The following NEMF variants were observed in gnomAD, a reference collection of about 807,000 sequenced individuals.
NEMF encodes the protein ribosome quality control complex subunit NEMF.
A neutral mutation model predicts 162.2 loss-of-function variants in NEMF; 89 were observed. That is an observed-to-expected ratio of 0.55 (90% CI 0.46 to 0.65). NEMF has a LOEUF of 0.65. NEMF is among the 30% of genes least tolerant of loss of function. The pLI is 0.00. For synonymous variants in NEMF, 421 were observed against 404.5 expected (o/e 1.04, Z -0.49); for missense variants, 1,133 against 1,261.9 (o/e 0.90, Z 1.55).
At chr14:49,831,416 C>T (rs1892630417) in intron 10 of NEMF, 55 bp from the exon 11 acceptor site, 2 of 984,604 alleles carry the variant, frequency 2.0e-6, no homozygotes, top group Admixed American at 4.1e-5. Flanking sequence ...TCTACTTCAA[C>T]TTGCATACAC....
intron 4 of NEMF, among the ~76,000 whole-genome samples, chr14:49,841,232 A>G (rs1318175640): frequency 6.0e-5 from 9 of 150,760 alleles, no homozygotes; most frequent in Non-Finnish European, 1.3e-4. Flanking sequence ...ATAAAAAAAC[A>G]AAACAAAACA....
At position 49,829,417 on chromosome 14, in the gene NEMF, C is replaced by T. The variant is rs774742234; in HGVS notation, c.955G>A (p.Ala319Thr). 1.2e-5 allele frequency: 20 copies of T among 1,613,430 alleles called. No individual in the cohort carries two copies. The highest frequency in any genetic ancestry group is 1.7e-5 in the Non-Finnish European group (20 of 1,179,714). The change falls in exon 12 of 33, where the codon GCA (alanine) becomes ACA (threonine). Residue 319 changes from alanine (A) to threonine (T), a missense_variant. Ala to Thr is a moderately conservative substitution (Grantham distance 58, BLOSUM62 0). Transcript: ENST00000298310. ...DLKALQQEKQ[A>T]LKKLDNVRKD... Reference sequence around the variant, plus strand: ...CGAACATTATCTAATTTCTTCAATGCTTGCTTTTCCTTTTATTGGCAAAAC... The same window carrying T: ...CGAACATTATCTAATTTCTTCAATGTTTGCTTTTCCTTTTATTGGCAAAAC...
intron 3 of NEMF, among the ~76,000 whole-genome samples, chr14:49,847,084 C>A (rs1265564443): frequency 6.6e-6 from 1 of 151,734 alleles, no homozygotes; most frequent in African/African-American, 2.4e-5. Context: ...CGGGGTTTCA[C>A]CATGTTGGTC....
intron 8 of NEMF, among the ~76,000 whole-genome samples, chr14:49,832,591 CA>C (rs1892700187): frequency 6.6e-6 from 1 of 152,176 alleles, no homozygotes; most frequent in Middle Eastern, 3.4e-3. Flanking sequence ...CCTTGGCCTC[CA>C]AAAGTGCTGA....
chr14:49,828,929 CTA>C lies in NEMF; in HGVS notation c.1232+123_1233-123del. The C allele has an allele frequency of 3.1e-6, 4 of 1,277,490 alleles. No homozygotes were observed. The South Asian group carries it at 6.2e-5, about 20-fold the overall frequency. The allele number at this position is 1,277,490 out of a possible 1,614,324, so 79.1% of individuals were successfully genotyped here. On this transcript the variant is annotated intron_variant, in intron 13 of 32. Transcript: ENST00000298310. The stretch of plus-strand genomic sequence containing the variant: ...TGGAAGTTTCATTATTTATTTTAAT[CTA>C]AATTAGTTTTTTCCCTTTCTTTGAG...
chr14:49,833,465 T>C lies in NEMF; in HGVS notation c.693A>G (p.Lys231=). The C allele has an allele frequency of 1.3e-5, 20 of 1,587,630 alleles. No homozygotes were observed. The highest frequency in any genetic ancestry group is 1.7e-5 in the Non-Finnish European group (20 of 1,161,800). ...ATGTTGTTTTCATATAGTCTTCTGC[T>C]TTCTGCAGAGAAACAAGTACTTTTT... ...DIEKVLVSLQ[K]AEDYMKTTSN... The change falls in exon 8 of 33, where the codon AAA becomes AAG. Residue 231 remains lysine, a synonymous_variant. Transcript: ENST00000298310.
chr14:49,844,266 A>C (rs1242461773), intron 4 of NEMF, among the ~76,000 whole-genome samples: 1 of 152,144 alleles, frequency 6.6e-6, no homozygotes, highest in East Asian at 1.9e-4. Context: ...TTCTCGCAAG[A>C]AGCATGCAAC....
Position 49,782,459 on chromosome 14 carries a change from T to TA in NEMF, c.*2176dup. ...AACTTGCTTGTCCATCACAGAGCTG[T>TA]AAGTATACTACCTTCACATTATTAC... is the stretch of plus-strand genomic sequence containing the variant. On this transcript the variant is annotated 3_prime_UTR_variant, in exon 33 of 33. Coordinates refer to ENST00000298310, the MANE Select transcript of NEMF (RefSeq NM_004713.6). 6.2e-7 allele frequency: 1 copy of TA among 1,608,408 alleles called. No homozygotes were observed. Among genetic ancestry groups the TA allele is most frequent in the Non-Finnish European group, 8.5e-7 (1 of 1,175,292 alleles).
rs1449320491 is a variant in NEMF at position 49,852,018 on chromosome 14, T to C, written c.60-143A>G. 1.6e-5 allele frequency: 9 copies of C among 575,974 alleles called. No homozygotes were observed. In the East Asian group the frequency reaches 2.3e-4, roughly 15 times the overall value. 35.7% of individuals were successfully genotyped at this position (575,974 alleles called of 1,614,324 possible). The stretch of plus-strand genomic sequence containing the variant: ...CCGAGGAGCAGAGTCTGAAAGCCAT[T>C]TGGAGATTCAGTTCAAAACTTAAGA... On this transcript the variant is annotated intron_variant, in intron 1 of 32. Coordinates refer to ENST00000298310, the MANE Select transcript of NEMF (RefSeq NM_004713.6).
At chr14:49,796,521 T>A (rs1000449559) in intron 25 of NEMF, among the ~76,000 whole-genome samples, 3 of 152,124 alleles carry the variant, frequency 2.0e-5, no homozygotes, top group Admixed American at 1.3e-4. Context: ...CCAGTTAACT[T>A]TGTATTTTTA....
intron 3 of NEMF, 21 bp from the exon 4 acceptor site, chr14:49,846,286 G>C (rs1346156410): frequency 6.2e-7 from 1 of 1,604,824 alleles, no homozygotes; most frequent in East Asian, 2.2e-5. Flanking sequence ...AAAGAAAAAG[G>C]CATTCATTTA....
intron 19 of NEMF, 68 bp from the exon 20 acceptor site, chr14:49,803,362 G>A: frequency 1.8e-6 from 2 of 1,140,736 alleles, no homozygotes; most frequent in Non-Finnish European, 2.5e-6. Flanking sequence ...TTCCACTTGA[G>A]GAGAAAGTAA....
chr14:49,840,083 CCAG>C (rs1345038681), intron 5 of NEMF, among the ~76,000 whole-genome samples: 1 of 151,966 alleles, frequency 6.6e-6, no homozygotes, highest in Non-Finnish European at 1.5e-5. Flanking sequence ...TTGCTTGAGC[CCAG>C]GAGTTCAAGA....
In NEMF at chr14:49,846,279, G is replaced by A. The variant is rs1241490077; in HGVS notation, c.232-14C>T. The A allele has an allele frequency of 1.9e-6, 3 of 1,604,416 alleles. No homozygotes were observed. Among genetic ancestry groups the A allele is most frequent in the East Asian group, 2.2e-5 (1 of 44,816 alleles). On this transcript the variant is annotated splice_polypyrimidine_tract_variant and intron_variant, in intron 3 of 32. Coordinates refer to ENST00000298310, the MANE Select transcript of NEMF (RefSeq NM_004713.6). Reference sequence around the variant, plus strand: ...ATGTTTTCGGCACTAGCAAGAGAAAGAAAAAGGCATTCATTTAGTAAAAGT... The same window carrying A: ...ATGTTTTCGGCACTAGCAAGAGAAAAAAAAAGGCATTCATTTAGTAAAAGT...
intron 20 of NEMF, 73 bp downstream of exon 20, chr14:49,803,164 T>C: frequency 9.1e-7 from 1 of 1,102,692 alleles, no homozygotes; most frequent in Non-Finnish European, 1.4e-6. Flanking sequence ...CTAAGAGTAT[T>C]TGTAAACTGT....
rs1274531994 is a variant in NEMF, at chr14:49,832,246, G to A, written c.767C>T (p.Pro256Leu). The stretch of plus-strand genomic sequence containing the variant: ...AACTGGTTTATCTGCTTCCAAGCTT[G>A]GTTTTATTTCTCTTTTCTGAATGAT... The part of the protein sequence containing the change: ...GYIIQKREIK[P>L]SLEADKPVED... Residue 256 changes from proline (P) to leucine (L), a missense_variant, in exon 9 of 33, where the codon CCA becomes CTA. Physicochemically the swap from Pro to Leu is moderately conservative, Grantham distance 98. Transcript: ENST00000298310. The A allele has an allele frequency of 6.2e-7, 1 of 1,605,754 alleles. No individual in the cohort carries two copies. Among genetic ancestry groups the A allele is most frequent in the African/African-American group, 1.3e-5 (1 of 74,616 alleles).
At chr14:49,830,010 TA>T (rs1892559691) in intron 11 of NEMF, among the ~76,000 whole-genome samples, 1 of 152,362 alleles carries the variant, frequency 6.6e-6, no homozygotes, top group East Asian at 1.9e-4. Flanking sequence ...CTTTTTCCCC[TA>T]AATTAATAAG....
chr14:49,828,482 TAAA>T, intron 14 of NEMF, 128 bp from the exon 15 acceptor site: 13 of 1,001,904 alleles, frequency 1.3e-5, no homozygotes, highest in Non-Finnish European at 1.9e-5. Context: ...TTAACAAAAC[TAAA>T]TTTAAAAAAG....
At chr14:49,822,226 C>T (rs1458685320) in intron 16 of NEMF, among the ~76,000 whole-genome samples, 3 of 151,724 alleles carry the variant, frequency 2.0e-5, no homozygotes, top group Non-Finnish European at 2.9e-5. Flanking sequence ...ACCTTCCCTC[C>T]GCTGTTGTCC....
Sources: gnomAD v4.1 joint callset for allele counts (sites outside exome capture counted in the v4.1 genomes callset) on GRCh38, gnomAD v4.1.1 for gene constraint, MANE v1.5 for transcripts, NCBI Gene and HGNC (gene_info 2026-07-23, HGNC 2026-07-21) for gene names.